Variants in ADGRL3 observed in about 807,000 individuals in gnomAD.
ADGRL3 encodes the protein adhesion G protein-coupled receptor L3, also known as calcium-independent alpha-latrotoxin receptor 3.
In ADGRL3, 62 loss-of-function variants were observed where a neutral mutation model predicts 153.5. The ratio of observed to expected loss-of-function variants is 0.40; its 90% CI spans 0.33 to 0.50. The LOEUF (loss-of-function observed/expected upper bound fraction) is 0.50, where lower values mean the gene tolerates loss of function less well. ADGRL3 is among the 20% of genes least tolerant of loss of function. ADGRL3 has a pLI of 0.47. For synonymous variants in ADGRL3, 710 were observed against 672.5 expected (o/e 1.06, Z -0.86); for missense variants, 1,641 against 1,859.4 (o/e 0.88, Z 2.16).
At chr4:61,569,167 T>A (rs965941708) in intron 4 of ADGRL3, among the ~76,000 whole-genome samples, 1 of 152,150 alleles carries the variant, frequency 6.6e-6, no homozygotes, top group East Asian at 1.9e-4. Flanking sequence ...CAGAAACACC[T>A]CTCTGACTAG....
At chr4:61,881,815 G>A (rs1247585488) in intron 9 of ADGRL3, among the ~76,000 whole-genome samples, 1 of 152,160 alleles carries the variant, frequency 6.6e-6, no homozygotes, top group Non-Finnish European at 1.5e-5. Context: ...TGTGTCACTA[G>A]AAATATTAGG....
chr4:61,694,881 A>G (rs190034144), intron 6 of ADGRL3, among the ~76,000 whole-genome samples: 2 of 152,316 alleles, frequency 1.3e-5, no homozygotes, highest in Admixed American at 1.3e-4. Context: ...TTTTCACAGC[A>G]TCTTTACCAG....
chr4:61,467,314 A>C (rs1224215915), intron 2 of ADGRL3, among the ~76,000 whole-genome samples: 1 of 152,156 alleles, frequency 6.6e-6, no homozygotes, highest in East Asian at 1.9e-4. Flanking sequence ...TTACCGTTCC[A>C]CTTGACATTC....
At chr4:61,850,446 A>G (rs141079959) in intron 9 of ADGRL3, among the ~76,000 whole-genome samples, 3 of 152,284 alleles carry the variant, frequency 2.0e-5, no homozygotes, top group Admixed American at 6.5e-5. Flanking sequence ...ATGGGCTCTG[A>G]TATCAGACTT....
At chr4:61,605,348 T>C (rs947950685) in intron 5 of ADGRL3, among the ~76,000 whole-genome samples, 16 of 152,186 alleles carry the variant, frequency 1.1e-4, no homozygotes, top group African/African-American at 3.9e-4. Flanking sequence ...TTTTTTACTT[T>C]TTGTGTATAG....
intron 1 of ADGRL3, among the ~76,000 whole-genome samples, chr4:61,248,575 G>A (rs1338660413): frequency 3.3e-5 from 5 of 152,126 alleles, no homozygotes; most frequent in Non-Finnish European, 7.4e-5. Flanking sequence ...GGGATGAAAT[G>A]GTTAATGGCT....
At chr4:61,831,888 T>G (rs1361678265) in intron 9 of ADGRL3, among the ~76,000 whole-genome samples, 2 of 151,520 alleles carry the variant, frequency 1.3e-5, no homozygotes, top group Non-Finnish European at 2.9e-5. Flanking sequence ...AATGAAGGGG[T>G]AGCTGGCAGC....
Position 61,757,570 on chromosome 4 carries a change from G to C in ADGRL3, c.1399+24016G>C, listed in dbSNP as rs533754956. On this transcript the variant is annotated intron_variant, in intron 8 of 26. Coordinates refer to ENST00000683033, the MANE Select transcript of ADGRL3 (RefSeq NM_001387552.1). ...TTTTGTTGATCTTTTCAAAAAACCAGCTCCTGGATTCATTGATTTTTTGAA... is the reference window on the plus strand; with the variant it reads ...TTTTGTTGATCTTTTCAAAAAACCACCTCCTGGATTCATTGATTTTTTGAA... Among the ~76,000 whole-genome samples the C allele has an allele frequency of 1.6e-3, 247 of 152,112 alleles. 6 individuals carry two copies. The highest frequency in any genetic ancestry group is 5.6e-3 in the African/African-American group (232 of 41,492).
chr4:61,350,228 T>C (rs115112690), intron 1 of ADGRL3, among the ~76,000 whole-genome samples: 2,471 of 152,206 alleles, frequency 0.016, 61 homozygotes, highest in African/African-American at 0.052. Context: ...TCAGTTAATA[T>C]AGTACAGTCA....
chr4:61,654,894 C>T (rs1390540345), intron 5 of ADGRL3, among the ~76,000 whole-genome samples: 1 of 151,910 alleles, frequency 6.6e-6, no homozygotes, highest in Non-Finnish European at 1.5e-5. Flanking sequence ...GAGACTCCAT[C>T]TCAAAAAGAA....
At chr4:61,936,077 G>T in intron 15 of ADGRL3, 32 bp downstream of exon 15, 2 of 1,605,662 alleles carry the variant, frequency 1.2e-6, no homozygotes, top group East Asian at 2.2e-5. Context: ...AAGCTTGAGG[G>T]AATTGAACTT....
chr4:61,531,246 G>A (rs566876569), intron 4 of ADGRL3, among the ~76,000 whole-genome samples: 8 of 152,184 alleles, frequency 5.3e-5, no homozygotes, highest in African/African-American at 7.2e-5. Flanking sequence ...ATAATTAGGC[G>A]CATTGCTACC....
chr4:61,603,933 A>G lies in ADGRL3; in HGVS notation c.473+16493A>G, dbSNP rs527386014. ...CTTCAATTCTGAAAGAAAAAAATCAATACCTCAGTATTCATCTTGAGGCAT... is the reference window on the plus strand; with the variant it reads ...CTTCAATTCTGAAAGAAAAAAATCAGTACCTCAGTATTCATCTTGAGGCAT... On this transcript the variant is annotated intron_variant, in intron 5 of 26. Coordinates refer to ENST00000683033, the MANE Select transcript of ADGRL3 (RefSeq NM_001387552.1). Among the ~76,000 whole-genome samples the G allele has an allele frequency of 6.1e-4, 93 of 152,306 alleles. 1 individual carries two copies. The highest frequency in any genetic ancestry group is 3.9e-4 in the East Asian group (2 of 5,184).
At position 61,895,713 on chromosome 4, in the gene ADGRL3, T is replaced by G. The variant is rs986336434; in HGVS notation, c.1784-18T>G. Reference sequence around the variant, plus strand: ...ATTCTAAGAAAAAGAAACAGATACATTTCTCTCATTATTACAGGTGTATCA... The same window carrying G: ...ATTCTAAGAAAAAGAAACAGATACAGTTCTCTCATTATTACAGGTGTATCA... On this transcript the variant is annotated intron_variant, in intron 10 of 26. Coordinates refer to ENST00000683033, the MANE Select transcript of ADGRL3 (RefSeq NM_001387552.1). 12 of 1,348,298 alleles carry G rather than the reference T, an allele frequency of 8.9e-6. No individual in the cohort carries two copies. The highest frequency in any genetic ancestry group is 4.8e-5 in the East Asian group (2 of 42,008). 83.5% of individuals were successfully genotyped at this position (1,348,298 alleles called of 1,614,324 possible). A position where few individuals can be genotyped will look rare whatever the true frequency, so the allele number is the denominator to read the frequency against.
chr4:61,852,341 G>T (rs1447974833), intron 9 of ADGRL3, among the ~76,000 whole-genome samples: 3 of 150,798 alleles, frequency 2.0e-5, no homozygotes, highest in Non-Finnish European at 4.4e-5. Flanking sequence ...TTGAGACAGG[G>T]TCTCACTCCG....
At chr4:61,982,096 T>G (rs977542422) in intron 18 of ADGRL3, among the ~76,000 whole-genome samples, 1 of 152,204 alleles carries the variant, frequency 6.6e-6, no homozygotes, top group African/African-American at 2.4e-5. Flanking sequence ...AATGTATCAT[T>G]TTATTCTCTT....
intron 2 of ADGRL3, among the ~76,000 whole-genome samples, chr4:61,383,616 C>A (rs2096700242): frequency 6.6e-6 from 1 of 151,482 alleles, no homozygotes; most frequent in South Asian, 2.1e-4. Context: ...AGTCATTTTT[C>A]TTTAATTCAT....
intron 8 of ADGRL3, among the ~76,000 whole-genome samples, chr4:61,746,104 C>A (rs1047310120): frequency 3.8e-4 from 58 of 152,162 alleles, no homozygotes; most frequent in African/African-American, 1.4e-3. Context: ...ATCAAAGAGA[C>A]AAAGAAGGCC....
chr4:61,477,978 C>A (rs551278236), intron 2 of ADGRL3, among the ~76,000 whole-genome samples: 46 of 151,998 alleles, frequency 3.0e-4, no homozygotes, highest in African/African-American at 1.1e-3. Context: ...TTGTGATTAT[C>A]CAAATATGGA....
Sources: allele counts gnomAD v4.1 joint callset (sites outside exome capture counted in the v4.1 genomes callset), GRCh38; gene constraint gnomAD v4.1.1; transcripts MANE v1.5; gene names NCBI Gene and HGNC (gene_info 2026-07-23, HGNC 2026-07-21).